The following MAGI1 variants were observed in gnomAD, a reference collection of about 807,000 sequenced individuals.
The protein encoded by MAGI1 is membrane associated guanylate kinase, WW and PDZ domain containing 1, also known as membrane-associated guanylate kinase, WW and PDZ domain-containing protein 1.
A neutral mutation model predicts 139.9 loss-of-function variants in MAGI1; 58 were observed. That is an observed-to-expected ratio of 0.41 (90% CI 0.34 to 0.52). The LOEUF is 0.52. Among genes scored for constraint, MAGI1 ranks in the 20% least tolerant of loss-of-function variants. The pLI, the probability that MAGI1 is intolerant of heterozygous loss-of-function variation, is 0.12. For missense variants in MAGI1, 1,874 were observed against 1,901.6 expected, an observed-to-expected ratio of 0.99 and a Z score of 0.27; for synonymous variants, 812 against 737.9, an observed-to-expected ratio of 1.10 and a Z score of -1.63.
At chr3:65,682,773 G>A (rs2087684847) in intron 1 of MAGI1, among the ~76,000 whole-genome samples, 1 of 152,086 alleles carries the variant, frequency 6.6e-6, no homozygotes, top group Admixed American at 6.5e-5. Context: ...CTCTGTGAAA[G>A]CCCATGTGAA....
At chr3:65,596,658 A>G (rs2082216230) in intron 2 of MAGI1, among the ~76,000 whole-genome samples, 2 of 152,186 alleles carry the variant, frequency 1.3e-5, no homozygotes, top group Admixed American at 1.3e-4. Context: ...GCCCCCTGGT[A>G]CCCAGGTCAG....
At chr3:65,761,637 CA>C (rs969845873) in intron 1 of MAGI1, among the ~76,000 whole-genome samples, 3 of 152,150 alleles carry the variant, frequency 2.0e-5, no homozygotes, top group African/African-American at 7.2e-5. Flanking sequence ...CACAATGCCA[CA>C]AAAGAAGTCT....
chr3:65,735,138 C>A (rs1281654714), intron 1 of MAGI1, among the ~76,000 whole-genome samples: 1 of 152,042 alleles, frequency 6.6e-6, no homozygotes. Context: ...GAAGATGTTT[C>A]ATCAAATACA....
intron 1 of MAGI1, among the ~76,000 whole-genome samples, chr3:65,677,202 AT>A (rs1286558642): frequency 3.3e-5 from 5 of 151,932 alleles, no homozygotes; most frequent in Non-Finnish European, 5.9e-5. Context: ...AACATTTAGG[AT>A]TTTTTTTAAC....
chr3:65,501,060 A>T (rs1389519873), intron 2 of MAGI1, among the ~76,000 whole-genome samples: 1 of 152,102 alleles, frequency 6.6e-6, no homozygotes, highest in African/African-American at 2.4e-5. Flanking sequence ...CTCTCACACA[A>T]TTTTTGCCAT....
intron 5 of MAGI1, among the ~76,000 whole-genome samples, chr3:65,454,711 T>C (rs1949276302): frequency 6.9e-6 from 1 of 144,566 alleles, no homozygotes; most frequent in Non-Finnish European, 1.5e-5. Flanking sequence ...TTGATTCAAA[T>C]CTTATTAATT....
chr3:65,527,187 G>A (rs1460385162), intron 2 of MAGI1, among the ~76,000 whole-genome samples: 1 of 152,210 alleles, frequency 6.6e-6, no homozygotes, highest in Admixed American at 6.5e-5. Flanking sequence ...AGGAAGCAAA[G>A]ACCCAGCCCT....
intron 21 of MAGI1, among the ~76,000 whole-genome samples, chr3:65,362,875 A>G (rs1455690588): frequency 6.6e-6 from 1 of 152,214 alleles, no homozygotes; most frequent in African/African-American, 2.4e-5. Context: ...ACAGTAACAG[A>G]TATTAGCGAA....
At chr3:65,783,645 T>A (rs1200426116) in intron 1 of MAGI1, among the ~76,000 whole-genome samples, 1 of 151,650 alleles carries the variant, frequency 6.6e-6, no homozygotes, top group African/African-American at 2.4e-5. Context: ...CAGGCGTGCA[T>A]CACCATGCCC....
chr3:65,509,782 C>G lies in MAGI1; in HGVS notation c.431-16151G>C, dbSNP rs375769119. Among the ~76,000 whole-genome samples, 45 of 152,076 alleles carry G rather than the reference C, an allele frequency of 3.0e-4. No individual in the cohort carries two copies. The East Asian group carries it at 4.3e-3, about 14-fold the overall frequency. On this transcript the variant is annotated intron_variant, in intron 2 of 22. Transcript: ENST00000402939. ...AGGTAAACAAAGCAGCTGGGAAGCTCGAACTGGGTGGAGCCCACCACAGCT... is the reference window on the plus strand; with the variant it reads ...AGGTAAACAAAGCAGCTGGGAAGCTGGAACTGGGTGGAGCCCACCACAGCT...
intron 1 of MAGI1, among the ~76,000 whole-genome samples, chr3:65,941,899 T>C (rs2063332659): frequency 6.6e-6 from 1 of 152,146 alleles, no homozygotes; most frequent in Non-Finnish European, 1.5e-5. Flanking sequence ...TCCATTAATC[T>C]TCCCACCTCA....
At chr3:65,680,765 T>TATGAC (rs1455591994) in intron 1 of MAGI1, among the ~76,000 whole-genome samples, 3 of 128,016 alleles carry the variant, frequency 2.3e-5, no homozygotes, top group Admixed American at 2.1e-4. Flanking sequence ...ATAATAATGA[T>TATGAC]ATGATATGAT....
chr3:65,747,945 T>C (rs1322264570), intron 1 of MAGI1, among the ~76,000 whole-genome samples: 1 of 152,150 alleles, frequency 6.6e-6, no homozygotes, highest in Non-Finnish European at 1.5e-5. Context: ...GTGAGCCAAA[T>C]GCTGGGAAAC....
At chr3:65,936,747 G>T (rs2063072718) in intron 1 of MAGI1, among the ~76,000 whole-genome samples, 1 of 152,098 alleles carries the variant, frequency 6.6e-6, no homozygotes, top group Non-Finnish European at 1.5e-5. Context: ...TGTGGTGTGT[G>T]TGTAGACAGG....
intron 2 of MAGI1, among the ~76,000 whole-genome samples, chr3:65,569,656 T>C (rs1452285671): frequency 6.6e-6 from 1 of 152,052 alleles, no homozygotes; most frequent in African/African-American, 2.4e-5. Context: ...GTGGGAGGAC[T>C]GCTTGAGCCC....
chr3:65,789,087 G>A (rs2039582954), intron 1 of MAGI1, among the ~76,000 whole-genome samples: 2 of 152,084 alleles, frequency 1.3e-5, no homozygotes, highest in Non-Finnish European at 2.9e-5. Flanking sequence ...AGGCTAAGGC[G>A]GGAGGATTGC....
intron 12 of MAGI1, among the ~76,000 whole-genome samples, chr3:65,422,397 G>T (rs12493497): frequency 0.44 from 66,348 of 151,918 alleles, 16,478 homozygotes; most frequent in Non-Finnish European, 0.57. Flanking sequence ...ACACAGCTAT[G>T]GCAAACAAAC....
At chr3:65,978,686 T>C (rs1376937684) in intron 1 of MAGI1, among the ~76,000 whole-genome samples, 1 of 145,738 alleles carries the variant, frequency 6.9e-6, no homozygotes, top group Non-Finnish European at 1.5e-5. Flanking sequence ...TGGAGTGCAA[T>C]GGTGCAATCT....
intron 1 of MAGI1, among the ~76,000 whole-genome samples, chr3:65,723,247 G>A (rs1023909492): frequency 6.6e-6 from 1 of 152,192 alleles, no homozygotes; most frequent in Non-Finnish European, 1.5e-5. Context: ...CACCTCGGAG[G>A]AAGTGTGTGT....
Sources: allele counts gnomAD v4.1 joint callset (sites outside exome capture counted in the v4.1 genomes callset), GRCh38; gene constraint gnomAD v4.1.1; transcripts MANE v1.5; gene names NCBI Gene and HGNC (gene_info 2026-07-23, HGNC 2026-07-21).